FUT9: variants seen among roughly 807,000 people sequenced by gnomAD.
The protein encoded by FUT9 is 4-galactosyl-N-acetylglucosaminide 3-alpha-L-fucosyltransferase 9.
A neutral mutation model predicts 29.7 loss-of-function variants in FUT9; 15 were observed. The observed-to-expected ratio is 0.51, with a 90% CI of 0.34 to 0.78. FUT9 has a LOEUF of 0.78. FUT9 is among the 30% of genes least tolerant of loss of function. The probability of loss-of-function intolerance (pLI) is 0.01; values close to 1 mark genes in which losing one functional copy is unlikely to be tolerated. For synonymous variants in FUT9, 169 were observed against 153.7 expected (o/e 1.10, Z -0.74); for missense variants, 319 against 425.4 (o/e 0.75, Z 2.20).
At chr6:96,197,275 C>T (rs199869443) in intron 2 of FUT9, among the ~76,000 whole-genome samples, 2 of 152,150 alleles carry the variant, frequency 1.3e-5, no homozygotes, top group Non-Finnish European at 1.5e-5. Context: ...AGGAAAAGTG[C>T]TGGTGATCAA....
At chr6:96,042,641 G>T (rs1283423495) in intron 1 of FUT9, among the ~76,000 whole-genome samples, 1 of 152,124 alleles carries the variant, frequency 6.6e-6, no homozygotes, top group East Asian at 1.9e-4. Context: ...AGACTTGAAA[G>T]ATGGATATTC....
At chr6:96,160,504 T>C (rs1393302925) in intron 2 of FUT9, among the ~76,000 whole-genome samples, 1 of 152,170 alleles carries the variant, frequency 6.6e-6, no homozygotes, top group Non-Finnish European at 1.5e-5. Flanking sequence ...GTTGACATAA[T>C]ATGCATGAAC....
intron 2 of FUT9, among the ~76,000 whole-genome samples, chr6:96,178,466 C>T (rs561050887): frequency 4.6e-5 from 7 of 152,192 alleles, no homozygotes; most frequent in African/African-American, 1.7e-4. Context: ...TACAATCAAA[C>T]TATATAATAA....
chr6:96,197,166 G>T (rs1218343456), intron 2 of FUT9, among the ~76,000 whole-genome samples: 2 of 152,078 alleles, frequency 1.3e-5, no homozygotes, highest in African/African-American at 4.8e-5. Flanking sequence ...GAAGAAAAAA[G>T]AATTTTAAAA....
At chr6:96,112,720 C>A (rs539877829) in intron 1 of FUT9, among the ~76,000 whole-genome samples, 1 of 152,070 alleles carries the variant, frequency 6.6e-6, no homozygotes, top group African/African-American at 2.4e-5. Flanking sequence ...CAAGTATTTT[C>A]GGTTAGTTCT....
chr6:96,043,197 G>T (rs1271641304), intron 1 of FUT9, among the ~76,000 whole-genome samples: 1 of 152,002 alleles, frequency 6.6e-6, no homozygotes, highest in African/African-American at 2.4e-5. Flanking sequence ...GACTACAGGC[G>T]CCCACCACCA....
At chr6:96,137,574 G>C (rs1772381065) in intron 2 of FUT9, among the ~76,000 whole-genome samples, 1 of 151,998 alleles carries the variant, frequency 6.6e-6, no homozygotes, top group Non-Finnish European at 1.5e-5. Flanking sequence ...CCTCAGCAAG[G>C]TGATAACACT....
chr6:96,192,520 C>G lies in FUT9; in HGVS notation c.-8-10628C>G, dbSNP rs374025973. Among the ~76,000 whole-genome samples the G allele has an allele frequency of 2.5e-3, 382 of 152,116 alleles. 1 individual carries two copies. Among genetic ancestry groups the G allele is most frequent in the East Asian group, 4.8e-3 (25 of 5,162 alleles). Reference sequence around the variant, plus strand: ...GGGATGTGAAGGACCTCTTCAAGGACAACTACAAACCACTGCTTGACGAAA... The same window carrying G: ...GGGATGTGAAGGACCTCTTCAAGGAGAACTACAAACCACTGCTTGACGAAA... On this transcript the variant is annotated intron_variant, in intron 2 of 2. Transcript: ENST00000302103.
chr6:96,047,060 T>C (rs1202497995), intron 1 of FUT9, among the ~76,000 whole-genome samples: 1 of 152,206 alleles, frequency 6.6e-6, no homozygotes, highest in Non-Finnish European at 1.5e-5. Flanking sequence ...TGGTCTTCAC[T>C]TTTCATTAAA....
Position 96,212,212 on chromosome 6 carries a change from C to G in FUT9, c.*7977C>G. 4.8e-6 allele frequency: 2 copies of G among 412,674 alleles called. No individual in the cohort carries two copies. The highest frequency in any genetic ancestry group is 8.9e-6 in the Non-Finnish European group (2 of 225,624). The allele number at this position is 412,674 out of a possible 1,614,324, so 25.6% of individuals were successfully genotyped here. ...CACATCTCCAGTCTCAGATTGGCCT[C>G]ATTAGCCACCTTCAGTTCCTTAAAT... On this transcript the variant is annotated 3_prime_UTR_variant, in exon 3 of 3. Transcript: ENST00000302103.
intron 2 of FUT9, among the ~76,000 whole-genome samples, chr6:96,158,794 T>C (rs1177194112): frequency 6.6e-6 from 1 of 152,138 alleles, no homozygotes; most frequent in Admixed American, 6.5e-5. Flanking sequence ...TGCTTCTTTT[T>C]CCTGAATCAA....
At chr6:96,039,122 C>A (rs1444175405) in intron 1 of FUT9, among the ~76,000 whole-genome samples, 1 of 152,046 alleles carries the variant, frequency 6.6e-6, no homozygotes, top group African/African-American at 2.4e-5. Flanking sequence ...CCTTTTGGTA[C>A]TTCTATCACT....
At chr6:96,185,930 A>G (rs1045112347) in intron 2 of FUT9, among the ~76,000 whole-genome samples, 3 of 152,114 alleles carry the variant, frequency 2.0e-5, no homozygotes, top group Non-Finnish European at 4.4e-5. Flanking sequence ...GAGCCAAAAA[A>G]TTTCCCGATA....
At chr6:96,016,573 C>T (rs974956517) in intron 1 of FUT9, among the ~76,000 whole-genome samples, 4 of 152,152 alleles carry the variant, frequency 2.6e-5, no homozygotes, top group African/African-American at 4.8e-5. Flanking sequence ...AGTGCACAAA[C>T]GCCCCTATCT....
intron 2 of FUT9, among the ~76,000 whole-genome samples, chr6:96,162,210 T>C (rs1225137283): frequency 1.3e-5 from 2 of 152,230 alleles, no homozygotes; most frequent in African/African-American, 4.8e-5. Flanking sequence ...CTTCAAAACA[T>C]GTTATTTTGT....
chr6:96,066,602 T>A (rs1770965879), intron 1 of FUT9, among the ~76,000 whole-genome samples: 1 of 152,116 alleles, frequency 6.6e-6, no homozygotes, highest in Non-Finnish European at 1.5e-5. Flanking sequence ...CCAACCATGA[T>A]GGTGATTTTG....
intron 2 of FUT9, 24 bp from the exon 3 acceptor site, chr6:96,203,124 C>G (rs762588853): frequency 6.5e-7 from 1 of 1,544,588 alleles, no homozygotes; most frequent in South Asian, 1.2e-5. Context: ...GCTACCTCCC[C>G]TTCTGTCTTT....
At chr6:96,179,233 A>G (rs563991005) in intron 2 of FUT9, among the ~76,000 whole-genome samples, 2 of 152,140 alleles carry the variant, frequency 1.3e-5, no homozygotes, top group Admixed American at 1.3e-4. Flanking sequence ...TTCATTTTTT[A>G]TATTTATTTG....
At position 96,209,490 on chromosome 6, in the gene FUT9, A is replaced by T. The variant is rs1288508731; in HGVS notation, c.*5255A>T. 6 of 166,880 alleles carry T rather than the reference A, an allele frequency of 3.6e-5. No homozygotes were observed. Among genetic ancestry groups the T allele is most frequent in the African/African-American group, 7.2e-5 (3 of 41,420 alleles). The allele number at this position is 166,880 out of a possible 1,614,324, so 10.3% of individuals were successfully genotyped here. A position where few individuals can be genotyped will look rare whatever the true frequency, so the allele number is the denominator to read the frequency against. On this transcript the variant is annotated 3_prime_UTR_variant, in exon 3 of 3. Coordinates refer to ENST00000302103, the MANE Select transcript of FUT9 (RefSeq NM_006581.4). ...CAGAAAAATCAATCATATTTTAGGC[A>T]TTATTTTGAAATATTTTAGAGTTTT...
Sources: allele counts gnomAD v4.1 joint callset (sites outside exome capture counted in the v4.1 genomes callset), GRCh38; gene constraint gnomAD v4.1.1; transcripts MANE v1.5; gene names NCBI Gene and HGNC (gene_info 2026-07-23, HGNC 2026-07-21).